The following GRAMD1C variants were observed in gnomAD, a reference collection of about 807,000 sequenced individuals.
GRAMD1C encodes the protein protein Aster-C.
Under a neutral mutation model 97.8 loss-of-function variants are expected in GRAMD1C, and 89 were observed. That is an observed-to-expected ratio of 0.91 (90% CI 0.77 to 1.09). GRAMD1C has a LOEUF of 1.09. GRAMD1C is among the 50% of genes least tolerant of loss of function. The probability of loss-of-function intolerance (pLI) is 0.00; values close to 1 mark genes in which losing one functional copy is unlikely to be tolerated. For synonymous variants in GRAMD1C, 256 were observed against 267.0 expected (o/e 0.96, Z 0.40); for missense variants, 740 against 766.4 (o/e 0.97, Z 0.41).
At chr3:113,834,359 A>G (rs557538858), upstream of GRAMD1C, among the ~76,000 whole-genome samples, 5 of 151,950 alleles carry the variant, frequency 3.3e-5, no homozygotes, top group Non-Finnish European at 7.4e-5. Context: ...TTTGCATTTT[A>G]GTAGAGACAG....
At chr3:113,911,468 A>C (rs1365533139) in intron 9 of GRAMD1C, among the ~76,000 whole-genome samples, 2 of 150,248 alleles carry the variant, frequency 1.3e-5, no homozygotes, top group African/African-American at 4.9e-5. Flanking sequence ...GTGGTCTTGA[A>C]CTCCTGGCTT....
rs576696062 is a variant in GRAMD1C at position 113,904,925 on chromosome 3, C to G, written c.789+653C>G. Among the ~76,000 whole-genome samples the G allele has an allele frequency of 1.6e-4, 24 of 152,302 alleles. No individual in the cohort carries two copies. In the East Asian group the frequency reaches 1.9e-3, roughly 12 times the overall value. ...TCTCGGCTCACTGCAACCTCCACCC[C>G]CTGGGTTCAAACAATTCTCCGGCCT... On this transcript the variant is annotated intron_variant, in intron 8 of 17. Coordinates refer to ENST00000358160, the MANE Select transcript of GRAMD1C (RefSeq NM_017577.5).
At chr3:113,918,168 T>C (rs1460972785) in intron 10 of GRAMD1C, among the ~76,000 whole-genome samples, 2 of 152,210 alleles carry the variant, frequency 1.3e-5, no homozygotes, top group Non-Finnish European at 2.9e-5. Flanking sequence ...TTATCTTTTC[T>C]GTTCTTCCAG....
intron 2 of GRAMD1C, among the ~76,000 whole-genome samples, chr3:113,846,139 T>A (rs765391871): frequency 7.3e-5 from 11 of 150,638 alleles, no homozygotes; most frequent in Non-Finnish European, 1.5e-4. Flanking sequence ...AGAGTTTCGC[T>A]CTTGTCACCC....
intron 9 of GRAMD1C, among the ~76,000 whole-genome samples, chr3:113,914,768 C>CTGGA (rs1936740687): frequency 6.6e-6 from 1 of 151,598 alleles, no homozygotes; most frequent in Non-Finnish European, 1.5e-5. Context: ...TGCTCTGGAG[C>CTGGA]TGGAGTGGGT....
chr3:113,933,203 A>T (rs931601933), intron 11 of GRAMD1C, among the ~76,000 whole-genome samples: 1 of 151,988 alleles, frequency 6.6e-6, no homozygotes, highest in African/African-American at 2.4e-5. Context: ...TATTAAAAAA[A>T]ATTTTTTTTG....
intron 2 of GRAMD1C, among the ~76,000 whole-genome samples, chr3:113,846,627 G>A (rs1165461292): frequency 1.3e-5 from 2 of 152,214 alleles, no homozygotes. Context: ...TAAAGGTGTA[G>A]TATGGGGGCC....
intron 4 of GRAMD1C, 146 bp downstream of exon 4, chr3:113,875,733 G>A (rs1935002984): frequency 1.8e-6 from 1 of 556,256 alleles, no homozygotes; most frequent in Non-Finnish European, 3.2e-6. Context: ...ATACAAACGT[G>A]TTGTATATAT....
intron 6 of GRAMD1C, among the ~76,000 whole-genome samples, chr3:113,884,258 C>T (rs539757417): frequency 3.3e-4 from 50 of 152,170 alleles, no homozygotes; most frequent in Middle Eastern, 3.4e-3. Flanking sequence ...ATACTAAATA[C>T]GTTCTCTGAG....
chr3:113,833,835 C>T (rs994675259), upstream of GRAMD1C, among the ~76,000 whole-genome samples: 2 of 152,116 alleles, frequency 1.3e-5, no homozygotes, highest in Admixed American at 6.5e-5. Context: ...CTCTTGCCAC[C>T]TTTTTTGTTG....
At chr3:113,842,402 A>T (rs1435688915) in intron 1 of GRAMD1C, among the ~76,000 whole-genome samples, 1 of 152,128 alleles carries the variant, frequency 6.6e-6, no homozygotes, top group Non-Finnish European at 1.5e-5. Flanking sequence ...AATTATTTTA[A>T]ATTCTGTATG....
At chr3:113,940,196 C>T (rs773882760) in intron 16 of GRAMD1C, 44 bp from the exon 17 acceptor site, 1 of 1,136,318 alleles carries the variant, frequency 8.8e-7, no homozygotes, top group East Asian at 2.3e-5. Context: ...AAAAAAAGAT[C>T]AGAAGCTATT....
intron 1 of GRAMD1C, among the ~76,000 whole-genome samples, chr3:113,842,674 C>G (rs968484954): frequency 2.0e-5 from 3 of 152,048 alleles, no homozygotes; most frequent in African/African-American, 7.2e-5. Context: ...TTAAGAACCT[C>G]AAGTTTGGCC....
At chr3:113,943,024 C>A (rs1328495279) in intron 17 of GRAMD1C, among the ~76,000 whole-genome samples, 3 of 152,146 alleles carry the variant, frequency 2.0e-5, no homozygotes, top group Non-Finnish European at 2.9e-5. Flanking sequence ...ATTTTCCTTG[C>A]CCTTATAGCT....
intron 7 of GRAMD1C, among the ~76,000 whole-genome samples, chr3:113,903,147 T>TG (rs992121710): frequency 4.0e-5 from 6 of 151,510 alleles, no homozygotes; most frequent in Admixed American, 4.0e-4. Flanking sequence ...GCATTTTTTT[T>TG]TTTTTTTAGT....
intron 5 of GRAMD1C, among the ~76,000 whole-genome samples, chr3:113,876,859 A>AT (rs1935060662): frequency 6.6e-6 from 1 of 151,570 alleles, no homozygotes; most frequent in Admixed American, 6.6e-5. Flanking sequence ...GAAAAAAAAA[A>AT]GGAAAGAGAA....
chr3:113,931,108 AAAT>A (rs1439011914), intron 11 of GRAMD1C, among the ~76,000 whole-genome samples: 1 of 152,222 alleles, frequency 6.6e-6, no homozygotes, highest in Non-Finnish European at 1.5e-5. Context: ...GTATTAAAGA[AAAT>A]AATATTTATT....
intron 5 of GRAMD1C, among the ~76,000 whole-genome samples, chr3:113,878,366 G>A (rs1234722487): frequency 1.3e-5 from 2 of 152,124 alleles, no homozygotes; most frequent in Non-Finnish European, 2.9e-5. Flanking sequence ...CCAGCCCTGG[G>A]ATCAACCATT....
rs183951914 is a variant in GRAMD1C at position 113,908,568 on chromosome 3, T to A, written c.790-390T>A. Among the ~76,000 whole-genome samples the A allele has an allele frequency of 4.0e-3, 614 of 152,274 alleles. 5 individuals are homozygous for A. The highest frequency in any genetic ancestry group is 0.02 in the Middle Eastern group (6 of 294). Reference sequence around the variant, plus strand: ...GGGTGAGTTTTCTTCCTTGAGATGATGGGGCAGGCACTGGCTGGGGAAGCT... The same window carrying A: ...GGGTGAGTTTTCTTCCTTGAGATGAAGGGGCAGGCACTGGCTGGGGAAGCT... On this transcript the variant is annotated intron_variant, in intron 8 of 17. Coordinates refer to ENST00000358160, the MANE Select transcript of GRAMD1C (RefSeq NM_017577.5).
Sources: allele counts gnomAD v4.1 joint callset (sites outside exome capture counted in the v4.1 genomes callset), GRCh38; gene constraint gnomAD v4.1.1; transcripts MANE v1.5; gene names NCBI Gene and HGNC (gene_info 2026-07-23, HGNC 2026-07-21).